Variants in EPRS1 observed in about 807,000 individuals in gnomAD.
EPRS1 encodes glutamyl-prolyl-tRNA synthetase 1, also known as bifunctional glutamate/proline--tRNA ligase.
A neutral mutation model predicts 188.3 loss-of-function variants in EPRS1; 107 were observed. The observed-to-expected ratio is 0.57, with a 90% CI of 0.49 to 0.67. The LOEUF is 0.67. EPRS1 is among the 30% of genes least tolerant of loss of function. The pLI is 0.00. For missense variants in EPRS1, 1,577 were observed against 1,802.2 expected, an observed-to-expected ratio of 0.88 and a Z score of 2.26; for synonymous variants, 596 against 593.1, an observed-to-expected ratio of 1.00 and a Z score of -0.07.
In EPRS1 at chr1:220,044,681, C is replaced by CAAAA. The variant is rs71560597; in HGVS notation, c.46+1658_46+1661dup. On this transcript the variant is annotated intron_variant, in intron 1 of 31. Coordinates refer to ENST00000366923, the MANE Select transcript of EPRS1 (RefSeq NM_004446.3). ...CAGAGGTTGCAATGAGCTCGGTCTC[C>CAAAA]AAAAAAAAAAAAAAAAAAAAAAAAA... Among the ~76,000 whole-genome samples the CAAAA allele has an allele frequency of 6.0e-3, 534 of 88,294 alleles. 36 individuals are homozygous for CAAAA. Among genetic ancestry groups the CAAAA allele is most frequent in the African/African-American group, 0.012 (294 of 24,086 alleles). The allele number at this position is 88,294 out of a possible 152,430, so 57.9% of individuals were successfully genotyped here. A position where few individuals can be genotyped will look rare whatever the true frequency, so the allele number is the denominator to read the frequency against.
chr1:220,035,715 G>A (rs1379992106), intron 2 of EPRS1, among the ~76,000 whole-genome samples: 1 of 151,764 alleles, frequency 6.6e-6, no homozygotes, highest in Non-Finnish European at 1.5e-5. Flanking sequence ...TGTGCTCCCA[G>A]CTACTCAGAA....
At chr1:219,971,370 A>G (rs1313955503) in intron 30 of EPRS1, among the ~76,000 whole-genome samples, 2 of 152,314 alleles carry the variant, frequency 1.3e-5, no homozygotes, top group African/African-American at 2.4e-5. Flanking sequence ...TTAAAGAGCC[A>G]TTAACTACCT....
chr1:220,014,872 C>A (rs1387511319), intron 12 of EPRS1, among the ~76,000 whole-genome samples: 3 of 152,074 alleles, frequency 2.0e-5, no homozygotes, highest in Non-Finnish European at 2.9e-5. Context: ...TGAAAGAAAC[C>A]AAAATAAACA....
chr1:220,035,479 C>T (rs1046428531), intron 2 of EPRS1, among the ~76,000 whole-genome samples: 2 of 152,092 alleles, frequency 1.3e-5, no homozygotes, highest in African/African-American at 4.8e-5. Flanking sequence ...CATGTCTATT[C>T]AGAGGTGCAA....
intron 17 of EPRS1, 27 bp downstream of exon 17, chr1:220,001,111 T>C (rs781758479): frequency 8.3e-7 from 1 of 1,211,128 alleles, no homozygotes; most frequent in African/African-American, 1.5e-5. Flanking sequence ...CATTTATTTT[T>C]ATACACATAT....
intron 12 of EPRS1, 105 bp from the exon 13 acceptor site, chr1:220,011,161 C>A: frequency 2.0e-5 from 12 of 613,158 alleles, no homozygotes; most frequent in Non-Finnish European, 2.6e-5. Flanking sequence ...CTTGTTACTG[C>A]ATTTACTAAT....
chr1:219,979,768 C>G (rs1202285911), intron 26 of EPRS1, among the ~76,000 whole-genome samples, 153 bp from the exon 27 acceptor site: 1 of 151,894 alleles, frequency 6.6e-6, no homozygotes, highest in African/African-American at 2.4e-5. Context: ...AGCATAATTA[C>G]CATAATAAGA....
chr1:219,974,688 A>T (rs1660741970), intron 28 of EPRS1, among the ~76,000 whole-genome samples: 1 of 152,186 alleles, frequency 6.6e-6, no homozygotes, highest in Non-Finnish European at 1.5e-5. Flanking sequence ...AAAAAAAACC[A>T]CAATGGAACC....
At chr1:220,035,350 C>T (rs1662157407) in intron 2 of EPRS1, among the ~76,000 whole-genome samples, 1 of 152,024 alleles carries the variant, frequency 6.6e-6, no homozygotes, top group African/African-American at 2.4e-5. Context: ...CGGGGTTTCA[C>T]AATGTTGGCC....
Position 220,032,491 on chromosome 1 carries a change from T to C in EPRS1, c.424A>G (p.Lys142Glu). 1.2e-6 allele frequency: 2 copies of C among 1,613,848 alleles called. No individual in the cohort carries two copies. The highest frequency in any genetic ancestry group is 1.7e-6 in the Non-Finnish European group (2 of 1,179,934). The change falls in exon 5 of 32, where the codon AAA becomes GAA. Residue 142 changes from lysine (K) to glutamate (E), a missense_variant. Lys to Glu is a moderately conservative substitution (Grantham distance 56). Around this residue, in one of 3 missense-constraint regions of EPRS1, gnomAD observed 1,278 missense variants for 1,457.4 expected, o/e 0.88. Transcript: ENST00000366923. ...CAACGTTTTACATGAACTGGAGCTT[T>C]CTTCTGTTTCAACTGTTCTTGCCAG... ...AAWQEQLKQK[K>E]APVHVKRWFG...
chr1:220,036,746 G>C (rs377038587), intron 2 of EPRS1, among the ~76,000 whole-genome samples: 1 of 151,986 alleles, frequency 6.6e-6, no homozygotes, highest in Non-Finnish European at 1.5e-5. Flanking sequence ...GTACCTGGGT[G>C]ACAAAATAAT....
intron 28 of EPRS1, among the ~76,000 whole-genome samples, chr1:219,977,516 C>T (rs1660803419): frequency 6.6e-6 from 1 of 152,084 alleles, no homozygotes; most frequent in African/African-American, 2.4e-5. Flanking sequence ...TAAATTTCTC[C>T]TTTAACATTT....
At chr1:219,973,118 G>T in intron 29 of EPRS1, 120 bp downstream of exon 29, 1 of 756,004 alleles carries the variant, frequency 1.3e-6, no homozygotes, top group Non-Finnish European at 2.2e-6. Flanking sequence ...AAGTAGCATG[G>T]GGGTTCAGAG....
At chr1:220,000,474 G>A (rs988480676) in intron 17 of EPRS1, among the ~76,000 whole-genome samples, 2 of 152,094 alleles carry the variant, frequency 1.3e-5, no homozygotes, top group Admixed American at 1.3e-4. Context: ...TATTAAGTCA[G>A]ATATTAAAGA....
chr1:219,973,335 T>C lies in EPRS1; in HGVS notation c.4147A>G (p.Arg1383Gly), dbSNP rs776893859. Residue 1383 changes from arginine to glycine, a missense_variant, in exon 29 of 32, where the codon AGA (arginine) becomes GGA (glycine). Arg to Gly is a moderately radical substitution (Grantham distance 125). Transcript: ENST00000366923. ...GTCAGCTTTTCTCCAGTATCTCGTC[T>C]GACGGCTACAAACTGACAGCTCTTC... is the stretch of plus-strand genomic sequence containing the variant. The part of the protein sequence containing the change: ...DMKSCQFVAV[R>G]RDTGEKLTVA... 5 of 1,612,706 alleles carry C rather than the reference T, an allele frequency of 3.1e-6. No homozygotes were observed. The South Asian group carries it at 3.3e-5, about 11-fold the overall frequency.
intron 20 of EPRS1, among the ~76,000 whole-genome samples, chr1:219,986,846 A>C (rs1303525911): frequency 6.6e-6 from 1 of 152,040 alleles, no homozygotes; most frequent in Non-Finnish European, 1.5e-5. Context: ...ATCGCTCAAC[A>C]GATACAGAAG....
intron 18 of EPRS1, among the ~76,000 whole-genome samples, chr1:219,994,954 C>T (rs1237606194): frequency 6.6e-6 from 1 of 152,068 alleles, no homozygotes; most frequent in East Asian, 1.9e-4. Flanking sequence ...ACCTGGCCTA[C>T]TTAATTTCTT....
intron 16 of EPRS1, among the ~76,000 whole-genome samples, chr1:220,005,014 A>G (rs1331602570): frequency 1.3e-5 from 2 of 152,206 alleles, no homozygotes; most frequent in Admixed American, 1.3e-4. Context: ...AGTTAATTAT[A>G]AGAGGTTTAA....
chr1:220,005,841 G>GT (rs1158202804), intron 15 of EPRS1, among the ~76,000 whole-genome samples: 7 of 19,526 alleles, frequency 3.6e-4, no homozygotes, highest in East Asian at 4.1e-3. Flanking sequence ...TTTTTTTTTT[G>GT]TTTTTTTTTG....
Sources: gnomAD v4.1 joint callset for allele counts (sites outside exome capture counted in the v4.1 genomes callset) on GRCh38, gnomAD v4.1.1 for gene constraint, gnomAD v4.1.1 regional missense constraint, MANE v1.5 for transcripts, NCBI Gene and HGNC (gene_info 2026-07-23, HGNC 2026-07-21) for gene names.